PLPPR2: variants seen among roughly 807,000 people sequenced by gnomAD.
PLPPR2 encodes phospholipid phosphatase related 2, also known as phospholipid phosphatase-related protein type 2.
Under a neutral mutation model 40.3 loss-of-function variants are expected in PLPPR2, and 11 were observed. The ratio of observed to expected loss-of-function variants is 0.27; its 90% confidence interval spans 0.17 to 0.45. The LOEUF is 0.45. Ranked by LOEUF, PLPPR2 falls within the 20% of genes least tolerant of loss-of-function variation. The probability of loss-of-function intolerance (pLI) is 1.00; values close to 1 mark genes in which losing one functional copy is unlikely to be tolerated. For synonymous variants in PLPPR2, 260 were observed against 290.8 expected (o/e 0.89, Z 1.08); for missense variants, 497 against 640.7 (o/e 0.78, Z 2.42).
In PLPPR2 at chr19:11,362,806, T is replaced by TGG; in HGVS notation, c.840+117_840+118insGG. On this transcript the variant is annotated intron_variant, in intron 7 of 9. Transcript: ENST00000688289. This position sits in a 1 kb window ranked among gnomAD's most constrained non-coding sequence, Gnocchi z 5.3. ...CTCTGTGTGACCTTGGGCCAATCCC[T>TGG]TAACATTACCCTTCCTGGATATTCT... 8.9e-7 allele frequency: 1 copy of TGG among 1,121,740 alleles called. No homozygotes were observed. The highest frequency in any genetic ancestry group is 1.6e-5 in the South Asian group (1 of 63,918). 69.5% of individuals were successfully genotyped at this position (1,121,740 alleles called of 1,614,324 possible). A position where few individuals can be genotyped will look rare whatever the true frequency, so the allele number is the denominator to read the frequency against.
chr19:11,361,545 C>G lies in PLPPR2; in HGVS notation c.663+57C>G. On this transcript the variant is annotated intron_variant, in intron 6 of 9. Transcript: ENST00000688289. This position sits in a 1 kb window ranked among gnomAD's most constrained non-coding sequence, Gnocchi z 6.3. ...GGTGTGCAGGCTGGACAGCGACCAG[C>G]AGCTAGGAAGCCGCCAGGGTTGGAG... is the stretch of plus-strand genomic sequence containing the variant. The G allele has an allele frequency of 6.5e-7, 1 of 1,541,494 alleles. No individual in the cohort carries two copies. The highest frequency in any genetic ancestry group is 8.7e-7 in the Non-Finnish European group (1 of 1,148,128).
Position 11,364,702 on chromosome 19 carries a change from C to A in PLPPR2, c.*12C>A. On this transcript the variant is annotated 3_prime_UTR_variant, in exon 10 of 10. Transcript: ENST00000688289. The surrounding 1 kb of genome is among the most constrained non-coding windows in gnomAD (Gnocchi z 5.8). ...ACCACCTGCTGTGAGGCCCGACCAC[C>A]CACCCAGAATCTGCCCAGTCCCCAC... 1 of 1,537,126 alleles carries A rather than the reference C, an allele frequency of 6.5e-7. No homozygotes were observed. Among genetic ancestry groups the A allele is most frequent in the Non-Finnish European group, 8.7e-7 (1 of 1,146,828 alleles).
intron 3 of PLPPR2, among the ~76,000 whole-genome samples, chr19:11,358,175 G>A (rs957578839): frequency 5.9e-5 from 9 of 151,898 alleles, no homozygotes; most frequent in Admixed American, 4.6e-4. Context: ...CTACCTCAGC[G>A]TCCCGAGTAG....
Position 11,364,747 on chromosome 19 carries a change from T to C in PLPPR2, c.*57T>C, listed in dbSNP as rs1401007299. ...CCCCACTTCTTCCCTGCCACGCGTG[T>C]GTGTGCGTGTGCCACGTGAGTGCCA... On this transcript the variant is annotated 3_prime_UTR_variant, in exon 10 of 10. Transcript: ENST00000688289. The surrounding 1 kb of genome is among the most constrained non-coding windows in gnomAD (Gnocchi z 5.8). 8.5e-6 allele frequency: 13 copies of C among 1,524,996 alleles called. No homozygotes were observed. Among genetic ancestry groups the C allele is most frequent in the Non-Finnish European group, 1.1e-5 (13 of 1,137,736 alleles). 94.5% of individuals were successfully genotyped at this position (1,524,996 alleles called of 1,614,324 possible).
In PLPPR2 at chr19:11,361,371, C is replaced by T. The variant is rs1029957982; in HGVS notation, c.546C>T (p.Asp182=). 2 of 1,612,064 alleles carry T rather than the reference C, an allele frequency of 1.2e-6. No individual in the cohort carries two copies. The highest frequency in any genetic ancestry group is 1.7e-6 in the Non-Finnish European group (2 of 1,179,898). Residue 182 remains aspartate, a synonymous_variant, in exon 6 of 10, where the codon GAC becomes GAT. Transcript: ENST00000688289. This position sits in a 1 kb window ranked among gnomAD's most constrained non-coding sequence, Gnocchi z 6.3. ...LPPSPDRPGP[D]RFVTDQGACA... ...CTTCTCCGGATCGGCCAGGTCCCGA[C>T]CGCTTTGTCACTGACCAGGGTGCCT...
At position 11,356,237 on chromosome 19, in the gene PLPPR2, TAGTG is replaced by T. The variant is rs954124660; in HGVS notation, c.-189-564_-189-561del. Among the ~76,000 whole-genome samples the T allele has an allele frequency of 3.3e-5, 5 of 151,934 alleles. No homozygotes were observed. In the South Asian group the frequency reaches 6.2e-4, roughly 19 times the overall value. ...ACTGTTGGTGTGAATAAGAGACTGT[TAGTG>T]TGTGTGTGGCTGTCGCTGAGTGCCT... On this transcript the variant is annotated intron_variant, in intron 1 of 9. Coordinates refer to ENST00000688289, the MANE Select transcript of PLPPR2 (RefSeq NM_001393892.1).
Position 11,364,169 on chromosome 19 carries a change from G to A in PLPPR2, c.972G>A (p.Glu324=). 2 of 1,611,746 alleles carry A rather than the reference G, an allele frequency of 1.2e-6. No individual in the cohort carries two copies. The highest frequency in any genetic ancestry group is 2.2e-5 in the South Asian group (2 of 90,836). Residue 324 remains glutamate, a synonymous_variant, in exon 9 of 10, where the codon GAG becomes GAA. Coordinates refer to ENST00000688289, the MANE Select transcript of PLPPR2 (RefSeq NM_001393892.1). This position sits in a 1 kb window ranked among gnomAD's most constrained non-coding sequence, Gnocchi z 5.8. ...CTGTCTCTTTGTCTCAGGAACCCGA[G>A]GTCTGCAGGCCGCATTCGACACCGG... ...LEKLSVAQEP[E]VCRPHSTPAR...
In PLPPR2 at chr19:11,361,416, C is replaced by A. The variant is rs767395661; in HGVS notation, c.591C>A (p.Leu197=). 6 of 1,607,712 alleles carry A rather than the reference C, an allele frequency of 3.7e-6. No homozygotes were observed. Among genetic ancestry groups the A allele is most frequent in the Non-Finnish European group, 5.1e-6 (6 of 1,179,550 alleles). Residue 197 remains leucine, a synonymous_variant, in exon 6 of 10, where the codon CTC becomes CTA. Coordinates refer to ENST00000688289, the MANE Select transcript of PLPPR2 (RefSeq NM_001393892.1). This position sits in a 1 kb window ranked among gnomAD's most constrained non-coding sequence, Gnocchi z 6.3. ...DQGACAGSPS[L]VAAARRAFPC... is the part of the protein sequence containing the mutation. Reference sequence around the variant, plus strand: ...GTGCCTGCGCTGGCAGTCCCAGCCTCGTGGCCGCCGCGCGCCGCGCCTTCC... The same window carrying A: ...GTGCCTGCGCTGGCAGTCCCAGCCTAGTGGCCGCCGCGCGCCGCGCCTTCC...
Position 11,359,813 on chromosome 19 carries a change from G to A in PLPPR2, c.256-8G>A. Reference sequence around the variant, plus strand: ...GGCCAGAAGACTCCATCTTGGTCTTGCCCACAGATCCTGCTGGGAGAGCTG... The same window carrying A: ...GGCCAGAAGACTCCATCTTGGTCTTACCCACAGATCCTGCTGGGAGAGCTG... On this transcript the variant is annotated splice_region_variant and splice_polypyrimidine_tract_variant and intron_variant, in intron 4 of 9. Transcript: ENST00000688289. This position sits in a 1 kb window ranked among gnomAD's most constrained non-coding sequence, Gnocchi z 5.6. 1.2e-6 allele frequency: 2 copies of A among 1,607,984 alleles called. No individual in the cohort carries two copies. The highest frequency in any genetic ancestry group is 1.7e-5 in the Admixed American group (1 of 59,726).
Position 11,364,469 on chromosome 19 carries a change from C to G in PLPPR2, c.1138C>G (p.Pro380Ala), listed in dbSNP as rs1968139471. The G allele has an allele frequency of 6.6e-7, 1 of 1,516,212 alleles. No individual in the cohort carries two copies. The allele number at this position is 1,516,212 out of a possible 1,614,324, so 93.9% of individuals were successfully genotyped here. Reference sequence around the variant, plus strand: ...ATTGAGGTCTGAGCCGACGCCCTTGCCCCTGCCCCTACCCCTGCCAGCGCC... The same window carrying G: ...ATTGAGGTCTGAGCCGACGCCCTTGGCCCTGCCCCTACCCCTGCCAGCGCC... Reference protein sequence around the residue: ...PRLRSEPTPLPLPLPLPAPTP... With the variant: ...PRLRSEPTPLALPLPLPAPTP... Residue 380 changes from proline to alanine, a missense_variant, in exon 10 of 10, where the codon CCC (proline) becomes GCC (alanine). Physicochemically the swap from Pro to Ala is conservative, Grantham distance 27 (BLOSUM62 -1). Transcript: ENST00000688289. This position sits in a 1 kb window ranked among gnomAD's most constrained non-coding sequence, Gnocchi z 5.8.
rs1968120990 is a variant in PLPPR2 at position 11,363,973 on chromosome 19, T to C, written c.963+138T>C. On this transcript the variant is annotated intron_variant, in intron 8 of 9. Coordinates refer to ENST00000688289, the MANE Select transcript of PLPPR2 (RefSeq NM_001393892.1). This position sits in a 1 kb window ranked among gnomAD's most constrained non-coding sequence, Gnocchi z 4.8. ...GAGGGATCACCCATCTCTGTGGACATAGGTCCTGGGCGGACAGCCCCAAAG... is the reference window on the plus strand; with the variant it reads ...GAGGGATCACCCATCTCTGTGGACACAGGTCCTGGGCGGACAGCCCCAAAG... 9.7e-6 allele frequency: 13 copies of C among 1,342,594 alleles called. No individual in the cohort carries two copies. The Middle Eastern group carries it at 1.1e-3, about 110-fold the overall frequency. The allele number at this position is 1,342,594 out of a possible 1,614,324, so 83.2% of individuals were successfully genotyped here.
Position 11,361,180 on chromosome 19 carries a change from C to G in PLPPR2, c.392-37C>G. 1 of 1,564,144 alleles carries G rather than the reference C, an allele frequency of 6.4e-7. No individual in the cohort carries two copies. Among genetic ancestry groups the G allele is most frequent in the Non-Finnish European group, 8.6e-7 (1 of 1,157,200 alleles). On this transcript the variant is annotated intron_variant, in intron 5 of 9. Transcript: ENST00000688289. This position sits in a 1 kb window ranked among gnomAD's most constrained non-coding sequence, Gnocchi z 6.3. ...AATGGAATCAGTGGGAGCATCAGGG[C>G]CTGGCGCATGAACCCCTTCCACTAT... is the stretch of plus-strand genomic sequence containing the variant.
chr19:11,362,714 A>G lies in PLPPR2; in HGVS notation c.840+25A>G, dbSNP rs767185729. ...GGTGAGTTGCCTCCTCAACCTTCCC[A>G]GCATGGAAGACCCTCACCAGCTCTC... On this transcript the variant is annotated intron_variant, in intron 7 of 9. Coordinates refer to ENST00000688289, the MANE Select transcript of PLPPR2 (RefSeq NM_001393892.1). This position sits in a 1 kb window ranked among gnomAD's most constrained non-coding sequence, Gnocchi z 5.3. 1 of 1,599,248 alleles carries G rather than the reference A, an allele frequency of 6.3e-7. No individual in the cohort carries two copies. The highest frequency in any genetic ancestry group is 8.5e-7 in the Non-Finnish European group (1 of 1,171,450).
At position 11,359,734 on chromosome 19, in the gene PLPPR2, G is replaced by T. The variant is rs866792258; in HGVS notation, c.255+14G>T. 1 of 1,578,768 alleles carries T rather than the reference G, an allele frequency of 6.3e-7. No homozygotes were observed. Among genetic ancestry groups the T allele is most frequent in the East Asian group, 2.3e-5 (1 of 44,272 alleles). On this transcript the variant is annotated intron_variant, in intron 4 of 9. Transcript: ENST00000688289. This position sits in a 1 kb window ranked among gnomAD's most constrained non-coding sequence, Gnocchi z 5.6. ...CCCACCCTCACGGTGAGACAATGAA[G>T]ACCTCCTAGGAGGCAGGTGGGCCGG...
At position 11,364,989 on chromosome 19, in the gene PLPPR2, A is replaced by G; in HGVS notation, c.*299A>G. ...ACCCCTGGTTCTCAGAATTTTAACC[A>G]AAAGGAGTTGGCTCCAACCAATGGG... On this transcript the variant is annotated 3_prime_UTR_variant, in exon 10 of 10. Coordinates refer to ENST00000688289, the MANE Select transcript of PLPPR2 (RefSeq NM_001393892.1). This position sits in a 1 kb window ranked among gnomAD's most constrained non-coding sequence, Gnocchi z 5.8. 1 of 444,192 alleles carries G rather than the reference A, an allele frequency of 2.3e-6. No individual in the cohort carries two copies. The highest frequency in any genetic ancestry group is 3.1e-5 in the South Asian group (1 of 32,128). The allele number at this position is 444,192 out of a possible 1,614,324, so 27.5% of individuals were successfully genotyped here.
In PLPPR2 at chr19:11,359,593, C is replaced by T; in HGVS notation, c.128C>T (p.Pro43Leu). 2 of 1,609,198 alleles carry T rather than the reference C, an allele frequency of 1.2e-6. No homozygotes were observed. The highest frequency in any genetic ancestry group is 1.7e-6 in the Non-Finnish European group (2 of 1,177,166). The change falls in exon 4 of 10, where the codon CCT (proline) becomes CTT (leucine). Residue 43 changes from proline to leucine, a missense_variant. Physicochemically the swap from Pro to Leu is moderately conservative, Grantham distance 98. Coordinates refer to ENST00000688289, the MANE Select transcript of PLPPR2 (RefSeq NM_001393892.1). The surrounding 1 kb of genome is among the most constrained non-coding windows in gnomAD (Gnocchi z 5.6). The stretch of plus-strand genomic sequence containing the variant: ...CGCCTGGAGTTCACGGACACCTTCC[C>T]TGTGCACACCCAGGGATTCTTCTGC... ...AYRLEFTDTF[P>L]VHTQGFFCYD...
In PLPPR2 at chr19:11,359,841, G is replaced by C; in HGVS notation, c.276G>C (p.Ala92=). ...CACAGATCCTGCTGGGAGAGCTGGCGCGTGCCTTTTTCCCTGCACCACCTT... is the reference window on the plus strand; with the variant it reads ...CACAGATCCTGCTGGGAGAGCTGGCCCGTGCCTTTTTCCCTGCACCACCTT... ...PTLTILLGEL[A]RAFFPAPPSA... Residue 92 remains alanine, a synonymous_variant, in exon 5 of 10, where the codon GCG becomes GCC. Coordinates refer to ENST00000688289, the MANE Select transcript of PLPPR2 (RefSeq NM_001393892.1). This position sits in a 1 kb window ranked among gnomAD's most constrained non-coding sequence, Gnocchi z 5.6. 1 of 1,613,032 alleles carries C rather than the reference G, an allele frequency of 6.2e-7. No individual in the cohort carries two copies. The highest frequency in any genetic ancestry group is 8.5e-7 in the Non-Finnish European group (1 of 1,179,290).
intron 2 of PLPPR2, among the ~76,000 whole-genome samples, chr19:11,357,315 G>C (rs1356172249): frequency 1.3e-5 from 2 of 152,086 alleles, no homozygotes; most frequent in Non-Finnish European, 1.5e-5. Flanking sequence ...AGTGCCATGG[G>C]GGAGGGGTTC....
rs560964789 is a variant in PLPPR2 at position 11,360,547 on chromosome 19, G to GACAT, written c.391+592_391+595dup. 3.2e-4 allele frequency among the ~76,000 whole-genome samples: 48 copies of GACAT among 152,210 alleles called. 1 individual carries two copies. The South Asian group carries it at 9.7e-3, about 31-fold the overall frequency. ...GACCAGATGTAATGGAGGTTCTAGG[G>GACAT]ACATGGGTGGGGCCTAACCCAACCA... is the stretch of plus-strand genomic sequence containing the variant. On this transcript the variant is annotated intron_variant, in intron 5 of 9. Transcript: ENST00000688289.
Sources: allele counts gnomAD v4.1 joint callset (sites outside exome capture counted in the v4.1 genomes callset), GRCh38; gene constraint gnomAD v4.1.1; non-coding constraint Gnocchi (gnomAD v3.1); transcripts MANE v1.5; gene names NCBI Gene and HGNC (gene_info 2026-07-23, HGNC 2026-07-21).